Variants in POLRMT observed in about 807,000 individuals in gnomAD.
POLRMT encodes the protein RNA polymerase mitochondrial.
In POLRMT, 114 loss-of-function variants were observed where a neutral mutation model predicts 132.2. The observed-to-expected ratio is 0.86, with a 90% CI of 0.74 to 1.01. POLRMT has a LOEUF of 1.01. Ranked by LOEUF, POLRMT falls within the 50% of genes least tolerant of loss-of-function variation. POLRMT has a pLI of 0.00. For missense variants in POLRMT, 2,003 were observed against 1,729.1 expected, an observed-to-expected ratio of 1.16 and a Z score of -2.81; for synonymous variants, 1,020 against 773.4, an observed-to-expected ratio of 1.32 and a Z score of -5.29.
chr19:624,871 G>A lies in POLRMT; in HGVS notation c.988C>T (p.Leu330=). 3 of 1,612,850 alleles carry A rather than the reference G, an allele frequency of 1.9e-6. No individual in the cohort carries two copies. The highest frequency in any genetic ancestry group is 1.7e-6 in the Non-Finnish European group (2 of 1,179,790). The part of the protein sequence containing the change: ...LEQMSQEGLK[L]QALFTAVLLS... ...AGAACGGCGGTGAAGAGTGCCTGCAGCTTCAGCCCCTCCTGGCTCATCTGT... is the reference window on the plus strand; with the variant it reads ...AGAACGGCGGTGAAGAGTGCCTGCAACTTCAGCCCCTCCTGGCTCATCTGT... Residue 330 remains leucine, a synonymous_variant, in exon 5 of 21, where the codon CTG becomes TTG. Transcript: ENST00000588649.
At chr19:631,158 A>T (rs1229027630) in intron 2 of POLRMT, among the ~76,000 whole-genome samples, 2 of 113,564 alleles carry the variant, frequency 1.8e-5, no homozygotes, top group Admixed American at 9.0e-5. Flanking sequence ...TAATCCATCT[A>T]AAAAAAAAAG....
chr19:625,080 G>C, intron 4 of POLRMT, 44 bp downstream of exon 4: 3 of 1,590,572 alleles, frequency 1.9e-6, no homozygotes, highest in Non-Finnish European at 2.6e-6. Context: ...TAAAACCCTG[G>C]GAGGGACATG....
intron 3 of POLRMT, among the ~76,000 whole-genome samples, chr19:628,671 G>A (rs1209879121): frequency 1.3e-5 from 2 of 152,156 alleles, no homozygotes; most frequent in South Asian, 4.1e-4. Flanking sequence ...GCTTTGAAAG[G>A]GTGTGTAAAC....
At position 617,472 on chromosome 19, in the gene POLRMT, T is replaced by G. The variant is rs770526110; in HGVS notation, c.3590A>C (p.Lys1197Thr). Reference sequence around the variant, plus strand: ...CTTCAGCTGGCTGGCCTCCAAGATCTTCTGGGGCCTGGGGTTGGAAGCAGG... The same window carrying G: ...CTTCAGCTGGCTGGCCTCCAAGATCGTCTGGGGCCTGGGGTTGGAAGCAGG... ...LVKRFCSEPQ[K>T]ILEASQLKET... Residue 1197 changes from lysine (K) to threonine (T), a missense_variant, in exon 20 of 21, where the codon AAG becomes ACG. By Grantham distance (78) the Lys-to-Thr change is moderately conservative. Coordinates refer to ENST00000588649, the MANE Select transcript of POLRMT (RefSeq NM_005035.4). 5 of 1,611,396 alleles carry G rather than the reference T, an allele frequency of 3.1e-6. No individual in the cohort carries two copies. Among genetic ancestry groups the G allele is most frequent in the Non-Finnish European group, 3.4e-6 (4 of 1,179,690 alleles).
Position 625,408 on chromosome 19 carries a change from T to A in POLRMT, c.823-154A>T, listed in dbSNP as rs1333156171. 4.1e-6 allele frequency: 4 copies of A among 986,628 alleles called. No homozygotes were observed. The Admixed American group carries it at 1.1e-4, about 28-fold the overall frequency. The allele number at this position is 986,628 out of a possible 1,614,324, so 61.1% of individuals were successfully genotyped here. A position where few individuals can be genotyped will look rare whatever the true frequency, so the allele number is the denominator to read the frequency against. ...AGCTGGGCAGACCGATGCATCCCCC[T>A]GAGGTTCTGACACACAAGCTCCACC... On this transcript the variant is annotated intron_variant, in intron 3 of 20. Coordinates refer to ENST00000588649, the MANE Select transcript of POLRMT (RefSeq NM_005035.4).
At chr19:631,537 G>A (rs915511707) in intron 2 of POLRMT, among the ~76,000 whole-genome samples, 4 of 152,034 alleles carry the variant, frequency 2.6e-5, no homozygotes, top group African/African-American at 9.7e-5. Context: ...TACTCGGGAG[G>A]TTGAGGCAGG....
At chr19:617,345 C>A (rs201864801) in intron 20 of POLRMT, 22 bp from the exon 21 acceptor site, 2 of 1,612,680 alleles carry the variant, frequency 1.2e-6, no homozygotes, top group South Asian at 1.1e-5. Flanking sequence ...GCAGAGCGGA[C>A]GGCGTGGGTG....
At chr19:626,400 C>T (rs960429731) in intron 3 of POLRMT, among the ~76,000 whole-genome samples, 3 of 148,268 alleles carry the variant, frequency 2.0e-5, no homozygotes, top group East Asian at 2.1e-4. Context: ...GGGATCCACC[C>T]GCCTCGGCCT....
In POLRMT at chr19:621,152, G is replaced by A. The variant is rs1046501540; in HGVS notation, c.2546C>T (p.Thr849Met). Residue 849 changes from threonine (T) to methionine (M), a missense_variant, in exon 10 of 21, where the codon ACG (threonine) becomes ATG (methionine). Coordinates refer to ENST00000588649, the MANE Select transcript of POLRMT (RefSeq NM_005035.4). ...DWLKIHLVNL[T>M]GLKKREPLRK... ...CAGCGGCTCCCGCTTCTTCAACCCC[G>A]TGAGATTGACCAGGTGGATCTTGAG... The A allele has an allele frequency of 1.2e-6, 2 of 1,611,032 alleles. No individual in the cohort carries two copies. The highest frequency in any genetic ancestry group is 1.7e-6 in the Non-Finnish European group (2 of 1,178,758).
At chr19:619,379 G>A (rs574528721) in intron 13 of POLRMT, 83 bp from the exon 14 acceptor site, 5 of 1,494,894 alleles carry the variant, frequency 3.3e-6, no homozygotes, top group South Asian at 2.3e-5. Context: ...AGCCACTGAG[G>A]CCCAAGGCCT....
In POLRMT at chr19:621,458, G is replaced by GGCAGGT. The variant is rs557720402; in HGVS notation, c.2234_2239dup (p.His745_Leu746dup). The GGCAGGT allele has an allele frequency of 5.2e-3, 7,155 of 1,384,678 alleles. 351 individuals are homozygous for GGCAGGT. In the African/African-American group the frequency reaches 0.1, roughly 19 times the overall value. 85.8% of individuals were successfully genotyped at this position (1,384,678 alleles called of 1,614,324 possible). A position where few individuals can be genotyped will look rare whatever the true frequency, so the allele number is the denominator to read the frequency against. Reference sequence around the variant, plus strand: ...CTTGCGGGCGGGCGCGGCGCTGTGCGGCAGGTGGGCCTCGGGCGGCTGGGG... The same window carrying GGCAGGT: ...CTTGCGGGCGGGCGCGGCGCTGTGCGGCAGGTGCAGGTGGGCCTCGGGCGGCTGGGG... On this transcript the variant is annotated inframe_insertion, in exon 10 of 21. Transcript: ENST00000588649.
rs1235194993 is a variant in POLRMT, at chr19:630,115, C to T, written c.247G>A (p.Val83Met). ...AGCCGCGCCACATCCACCCTGTTCA[C>T]CACCACCTCCGACACGCTCTCAGCC... ...LQAESVSEVV[V>M]NRVDVARLPE... The change falls in exon 3 of 21, where the codon GTG becomes ATG. Residue 83 changes from valine (V) to methionine (M), a missense_variant. Transcript: ENST00000588649. The T allele has an allele frequency of 1.2e-6, 2 of 1,612,488 alleles. No individual in the cohort carries two copies. The highest frequency in any genetic ancestry group is 1.7e-6 in the Non-Finnish European group (2 of 1,179,312).
At position 626,904 on chromosome 19, in the gene POLRMT, T is replaced by C. The variant is rs1017541261; in HGVS notation, c.823-1650A>G. 7.6e-3 allele frequency among the ~76,000 whole-genome samples: 903 copies of C among 118,098 alleles called. 11 individuals carry two copies. The highest frequency in any genetic ancestry group is 0.031 in the African/African-American group (844 of 27,170). The allele number at this position is 118,098 out of a possible 152,430, so 77.5% of individuals were successfully genotyped here. A position where few individuals can be genotyped will look rare whatever the true frequency, so the allele number is the denominator to read the frequency against. ...TAAAATATACACACACACACATATA[T>C]ATATATATATAAAATAACATATATA... On this transcript the variant is annotated intron_variant, in intron 3 of 20. Coordinates refer to ENST00000588649, the MANE Select transcript of POLRMT (RefSeq NM_005035.4).
At chr19:632,959 G>A (rs752309736) in intron 1 of POLRMT, 21 bp from the exon 2 acceptor site, 3 of 1,473,278 alleles carry the variant, frequency 2.0e-6, no homozygotes, top group African/African-American at 1.5e-5. Context: ...GACGAGAGCG[G>A]CTGAGCGGGG....
rs1261036967 is a variant in POLRMT at position 619,989 on chromosome 19, G to A, written c.2855C>T (p.Pro952Leu). Reference sequence around the variant, plus strand: ...GGCCACGCCGCTGTACACGTCCTGCGGCACATCCGAGGGCTCCAGGTTGAC... The same window carrying A: ...GGCCACGCCGCTGTACACGTCCTGCAGCACATCCGAGGGCTCCAGGTTGAC... Reference protein sequence around the residue: ...ASVNLEPSDVPQDVYSGVAAQ... With the variant: ...ASVNLEPSDVLQDVYSGVAAQ... The change falls in exon 12 of 21, where the codon CCG becomes CTG. Residue 952 changes from proline to leucine, a missense_variant. Coordinates refer to ENST00000588649, the MANE Select transcript of POLRMT (RefSeq NM_005035.4). 4.4e-6 allele frequency: 7 copies of A among 1,596,276 alleles called. No homozygotes were observed. Among genetic ancestry groups the A allele is most frequent in the South Asian group, 3.3e-5 (3 of 89,720 alleles).
chr19:632,597 C>T, intron 2 of POLRMT, among the ~76,000 whole-genome samples: 1 of 151,828 alleles, frequency 6.6e-6, no homozygotes, highest in East Asian at 1.9e-4. Context: ...AAAGTGGGAG[C>T]ACCTGGTGGG....
At chr19:618,146 C>CCGCA (rs1984159858) in intron 17 of POLRMT, 1 of 565,768 alleles carries the variant, frequency 1.8e-6, no homozygotes, top group African/African-American at 1.9e-5. Context: ...GGCCACCACC[C>CCGCA]CGCATCCTGA....
intron 1 of POLRMT, 107 bp downstream of exon 1, chr19:633,318 C>T (rs979008568): frequency 2.3e-6 from 3 of 1,299,236 alleles, no homozygotes; most frequent in South Asian, 4.2e-5. Context: ...GGGCTGCGCA[C>T]GCCCAGGTGC....
intron 15 of POLRMT, 58 bp from the exon 16 acceptor site, chr19:618,818 T>C (rs1984241046): frequency 7.2e-6 from 11 of 1,527,128 alleles, no homozygotes; most frequent in East Asian, 2.4e-5. Context: ...TGGTGGTACA[T>C]TGAGGTGGTG....
Sources: gnomAD v4.1 joint callset for allele counts (sites outside exome capture counted in the v4.1 genomes callset) on GRCh38, gnomAD v4.1.1 for gene constraint, MANE v1.5 for transcripts, NCBI Gene and HGNC (gene_info 2026-07-23, HGNC 2026-07-21) for gene names.